PDE8B: variants seen among roughly 807,000 people sequenced by gnomAD.
PDE8B encodes phosphodiesterase 8B.
Under a neutral mutation model 101.3 loss-of-function variants are expected in PDE8B, and 26 were observed. That is an observed-to-expected ratio of 0.26 (90% confidence interval 0.19 to 0.36). The LOEUF is 0.36. PDE8B is among the 10% of genes least tolerant of loss of function. PDE8B has a pLI of 1.00. For missense variants in PDE8B, 810 were observed against 1,163.1 expected (o/e 0.70, Z 4.42); for synonymous variants, 424 against 429.3 (o/e 0.99, Z 0.15).
the PDE8B span, among the ~76,000 whole-genome samples, chr5:77,131,360 C>T: frequency 6.6e-6 from 1 of 152,196 alleles, no homozygotes; most frequent in East Asian, 1.9e-4. Flanking sequence ...AACCCCAAGC[C>T]CAATGGCTCA....
chr5:77,102,632 C>T, the PDE8B span, among the ~76,000 whole-genome samples: 1 of 152,208 alleles, frequency 6.6e-6, no homozygotes, highest in African/African-American at 2.4e-5. Context: ...AAGCAGCCCA[C>T]AGGGCTCCTG....
intron 1 of PDE8B, among the ~76,000 whole-genome samples, chr5:77,279,514 G>A (rs759008856): frequency 6.6e-6 from 1 of 152,098 alleles, no homozygotes; most frequent in Non-Finnish European, 1.5e-5. Flanking sequence ...TCTCCTCCCC[G>A]TCAATCCTCT....
chr5:77,248,899 T>C (rs889433165), intron 1 of PDE8B, among the ~76,000 whole-genome samples: 1 of 152,212 alleles, frequency 6.6e-6, no homozygotes, highest in African/African-American at 2.4e-5. Flanking sequence ...CCCCACTCCC[T>C]GCCATGTGAG....
At chr5:77,423,401 A>G (rs1000666151) in intron 20 of PDE8B, among the ~76,000 whole-genome samples, 4 of 152,106 alleles carry the variant, frequency 2.6e-5, no homozygotes, top group Non-Finnish European at 5.9e-5. Flanking sequence ...TGGGTTGAAT[A>G]GCAATTTCTA....
At chr5:77,413,036 C>T (rs1794863267) in intron 16 of PDE8B, 75 bp from the exon 17 acceptor site, 1 of 1,195,852 alleles carries the variant, frequency 8.4e-7, no homozygotes, top group African/African-American at 1.5e-5. Flanking sequence ...TGCTTCCATG[C>T]CCCACTATCA....
intron 10 of PDE8B, among the ~76,000 whole-genome samples, chr5:77,378,049 C>CACACACACACA (rs1554093056): frequency 1.3e-5 from 2 of 148,370 alleles, no homozygotes; most frequent in South Asian, 4.3e-4. Flanking sequence ...CACACACACA[C>CACACACACACA]CCCCTGTTGG....
chr5:77,412,945 G>C (rs1175180674), intron 16 of PDE8B, among the ~76,000 whole-genome samples, 166 bp from the exon 17 acceptor site: 1 of 152,152 alleles, frequency 6.6e-6, no homozygotes, highest in Non-Finnish European at 1.5e-5. Flanking sequence ...TGACTGGTGA[G>C]AAGGAGAGAT....
At chr5:77,111,865 G>T in the PDE8B span, 3 of 151,974 alleles carry the variant, frequency 2.0e-5, no homozygotes, top group Admixed American at 1.3e-4. Context: ...TGCAGACTGG[G>T]TCCTCTCTAA....
intron 5 of PDE8B, among the ~76,000 whole-genome samples, chr5:77,332,084 G>A (rs1189526540): frequency 6.6e-6 from 1 of 152,146 alleles, no homozygotes; most frequent in Non-Finnish European, 1.5e-5. Flanking sequence ...AGGCAAAGCT[G>A]TGTGCCTGCA....
intron 1 of PDE8B, among the ~76,000 whole-genome samples, chr5:77,268,689 C>T (rs542236027): frequency 5.3e-5 from 8 of 152,006 alleles, no homozygotes; most frequent in African/African-American, 1.9e-4. Flanking sequence ...AAATGACAGG[C>T]TCTCATTCCT....
intron 1 of PDE8B, among the ~76,000 whole-genome samples, chr5:77,251,424 GC>G (rs755802924): frequency 6.6e-6 from 1 of 152,210 alleles, no homozygotes; most frequent in African/African-American, 2.4e-5. Flanking sequence ...TCTGGGGCAT[GC>G]CCCCCTTCTT....
At chr5:77,397,814 C>T (rs772621281) in intron 10 of PDE8B, among the ~76,000 whole-genome samples, 4 of 152,108 alleles carry the variant, frequency 2.6e-5, no homozygotes, top group African/African-American at 4.8e-5. Context: ...CAACTGCTGT[C>T]GGCCACCTCT....
At chr5:77,220,988 A>G (rs188478093) in intron 1 of PDE8B, among the ~76,000 whole-genome samples, 17 of 152,264 alleles carry the variant, frequency 1.1e-4, no homozygotes, top group Middle Eastern at 6.8e-3. Context: ...TCACTGTCCT[A>G]TTTTATCTCC....
At chr5:77,110,862 T>C in the PDE8B span, among the ~76,000 whole-genome samples, 1 of 152,178 alleles carries the variant, frequency 6.6e-6, no homozygotes. Context: ...CTTCCAAACC[T>C]ATCTGCTATT....
the PDE8B span, among the ~76,000 whole-genome samples, chr5:77,165,674 G>A: frequency 6.6e-6 from 1 of 152,190 alleles, no homozygotes; most frequent in East Asian, 1.9e-4. Context: ...ATAGATATGG[G>A]AAGGATTATA....
At chr5:77,185,540 A>G in the PDE8B span, among the ~76,000 whole-genome samples, 1 of 152,180 alleles carries the variant, frequency 6.6e-6, no homozygotes, top group African/African-American at 2.4e-5. Flanking sequence ...ATTCTGAGGT[A>G]CTGGGAGTTA....
At chr5:77,195,510 T>C in the PDE8B span, among the ~76,000 whole-genome samples, 83 of 152,284 alleles carry the variant, frequency 5.5e-4, no homozygotes, top group East Asian at 0.011. Flanking sequence ...TTCACTGTAG[T>C]TTTGACTTTA....
At chr5:77,146,055 A>G in the PDE8B span, 3 of 152,212 alleles carry the variant, frequency 2.0e-5, no homozygotes, top group African/African-American at 7.2e-5. Flanking sequence ...AGAAATGTCT[A>G]TAACTATTTT....
chr5:77,132,824 A>G, the PDE8B span, among the ~76,000 whole-genome samples: 1 of 152,240 alleles, frequency 6.6e-6, no homozygotes. Context: ...TATGGGAGGT[A>G]CATTAACTGA....
Sources: allele counts gnomAD v4.1 joint callset (sites outside exome capture counted in the v4.1 genomes callset), GRCh38; gene constraint gnomAD v4.1.1; transcripts MANE v1.5; gene names NCBI Gene and HGNC (gene_info 2026-07-23, HGNC 2026-07-21).